GTF2F2: variants seen among roughly 807,000 people sequenced by gnomAD.
GTF2F2 encodes ATP-dependent helicase GTF2F2.
In GTF2F2, 23 loss-of-function variants were observed where a neutral mutation model predicts 42.2. The observed-to-expected ratio is 0.55, with a 90% CI of 0.39 to 0.77. The LOEUF (loss-of-function observed/expected upper bound fraction) is 0.77, where lower values mean the gene tolerates loss of function less well. Among genes scored for constraint, GTF2F2 ranks in the 30% least tolerant of loss-of-function variants. GTF2F2 has a pLI of 0.00. For missense variants in GTF2F2, 261 were observed against 287.2 expected, an observed-to-expected ratio of 0.91 and a Z score of 0.66; for synonymous variants, 105 against 100.8, an observed-to-expected ratio of 1.04 and a Z score of -0.25.
chr13:45,194,231 C>T (rs778893517), intron 4 of GTF2F2: 1 of 1,614,160 alleles, frequency 6.2e-7, no homozygotes, highest in East Asian at 2.2e-5. Flanking sequence ...AATTCTGCTT[C>T]TTGTGCAAGA....
At chr13:45,277,811 G>A (rs914455759) in intron 7 of GTF2F2, among the ~76,000 whole-genome samples, 1 of 152,110 alleles carries the variant, frequency 6.6e-6, no homozygotes, top group Non-Finnish European at 1.5e-5. Context: ...TTTATAAAAA[G>A]CATATAGTGC....
chr13:45,152,482 GT>G (rs1870548441), intron 4 of GTF2F2, among the ~76,000 whole-genome samples: 1 of 152,200 alleles, frequency 6.6e-6, no homozygotes, highest in Non-Finnish European at 1.5e-5. Flanking sequence ...ATCCTTGCTT[GT>G]TTTAGTAAAT....
intron 4 of GTF2F2, among the ~76,000 whole-genome samples, chr13:45,183,771 C>A (rs1872276565): frequency 6.6e-6 from 1 of 152,110 alleles, no homozygotes; most frequent in Admixed American, 6.5e-5. Context: ...GTGCCTGATA[C>A]AAAGTAATAC....
chr13:45,272,706 C>G (rs1876849827), intron 7 of GTF2F2, among the ~76,000 whole-genome samples: 2 of 150,018 alleles, frequency 1.3e-5, no homozygotes, highest in Non-Finnish European at 3.0e-5. Flanking sequence ...GATTGTGTCA[C>G]TCTACTCCAG....
intron 4 of GTF2F2, among the ~76,000 whole-genome samples, chr13:45,153,320 A>AT (rs1236484800): frequency 6.6e-6 from 1 of 151,816 alleles, no homozygotes; most frequent in Non-Finnish European, 1.5e-5. Flanking sequence ...GCCCGGCCGA[A>AT]TTTTTTTTGT....
At chr13:45,144,457 CTTTTTTTTTTT>C (rs11326737) in intron 2 of GTF2F2, among the ~76,000 whole-genome samples, 4 of 74,040 alleles carry the variant, frequency 5.4e-5, no homozygotes, top group Non-Finnish European at 9.9e-5. Flanking sequence ...TTTTTTTGGT[CTTTTTTTTTTT>C]TTTTTTTTTT....
Position 45,120,733 on chromosome 13 carries a change from G to A in GTF2F2, c.66+12G>A, listed in dbSNP as rs375077521. ...TGTGGCTAGTCAAGGTAATGTTCGC[G>A]AGTCTCCCACTTGCGCTCCTCCTAA... On this transcript the variant is annotated intron_variant, in intron 1 of 7. Transcript: ENST00000340473. 7.1e-6 allele frequency: 11 copies of A among 1,543,316 alleles called. No individual in the cohort carries two copies. The African/African-American group carries it at 1.5e-4, about 21-fold the overall frequency.
chr13:45,183,731 A>G (rs1172562832), intron 4 of GTF2F2, among the ~76,000 whole-genome samples: 2 of 152,184 alleles, frequency 1.3e-5, no homozygotes, highest in African/African-American at 4.8e-5. Context: ...TGCGCTTTAA[A>G]GCAGACAGTG....
chr13:45,246,102 G>A (rs780315180), intron 5 of GTF2F2, among the ~76,000 whole-genome samples: 23 of 151,094 alleles, frequency 1.5e-4, no homozygotes, highest in African/African-American at 5.1e-4. Flanking sequence ...TCCGCCTGCC[G>A]GGTTCACGCC....
chr13:45,200,664 GGATA>G (rs772015817), intron 4 of GTF2F2, among the ~76,000 whole-genome samples: 39 of 152,056 alleles, frequency 2.6e-4, no homozygotes, highest in Non-Finnish European at 4.3e-4. Flanking sequence ...AATAATACAG[GGATA>G]GAAAGTTTGC....
chr13:45,278,209 G>T (rs1877111887), intron 7 of GTF2F2, among the ~76,000 whole-genome samples: 1 of 152,186 alleles, frequency 6.6e-6, no homozygotes, highest in African/African-American at 2.4e-5. Context: ...CTATAGGTTT[G>T]TCTCAGTCTT....
chr13:45,261,443 A>C (rs11147969), intron 6 of GTF2F2, among the ~76,000 whole-genome samples: 30 of 146,516 alleles, frequency 2.0e-4, no homozygotes, highest in South Asian at 4.2e-4. Context: ...AAAAAAAAAA[A>C]AGAATAATTT....
At chr13:45,234,618 A>G (rs938463336) in intron 5 of GTF2F2, among the ~76,000 whole-genome samples, 1 of 152,232 alleles carries the variant, frequency 6.6e-6, no homozygotes, top group African/African-American at 2.4e-5. Flanking sequence ...TAATCTATCC[A>G]TGGGTTCAAT....
chr13:45,207,294 A>G (rs1157221040), intron 4 of GTF2F2, 130 bp from the exon 5 acceptor site: 1 of 615,566 alleles, frequency 1.6e-6, no homozygotes, highest in African/African-American at 1.8e-5. Context: ...GATTCCTGAA[A>G]CTTAACTATT....
chr13:45,206,673 A>G (rs1873425529), intron 4 of GTF2F2: 1 of 152,232 alleles, frequency 6.6e-6, no homozygotes, highest in African/African-American at 2.4e-5. Flanking sequence ...TCAAGTGACC[A>G]CACCACAATG....
chr13:45,260,038 A>T (rs1593523202), intron 6 of GTF2F2, among the ~76,000 whole-genome samples: 1 of 151,972 alleles, frequency 6.6e-6, no homozygotes. Flanking sequence ...GAAAACCTTA[A>T]CTGTGCTCAG....
intron 5 of GTF2F2, among the ~76,000 whole-genome samples, chr13:45,251,121 A>G (rs1254976311): frequency 6.6e-6 from 1 of 152,162 alleles, no homozygotes; most frequent in African/African-American, 2.4e-5. Flanking sequence ...AACCTATGGC[A>G]TTTTTAGATT....
At chr13:45,269,285 G>A (rs1406106383) in intron 7 of GTF2F2, among the ~76,000 whole-genome samples, 1 of 152,152 alleles carries the variant, frequency 6.6e-6, no homozygotes, top group Non-Finnish European at 1.5e-5. Flanking sequence ...GTCTCCAAGG[G>A]CCACCATATT....
chr13:45,186,815 T>C (rs1407541574), intron 4 of GTF2F2, among the ~76,000 whole-genome samples: 3 of 152,128 alleles, frequency 2.0e-5, no homozygotes, highest in African/African-American at 7.2e-5. Context: ...GGTTGCAAAT[T>C]AAGAATTAGT....
Sources: allele counts gnomAD v4.1 joint callset (sites outside exome capture counted in the v4.1 genomes callset), GRCh38; gene constraint gnomAD v4.1.1; transcripts MANE v1.5; gene names NCBI Gene and HGNC (gene_info 2026-07-23, HGNC 2026-07-21).